MME: variants seen among roughly 807,000 people sequenced by gnomAD.
The protein encoded by MME is membrane metalloendopeptidase, also known as neprilysin.
MME carries 98 observed loss-of-function variants against 113.2 expected under a neutral mutation model. The ratio of observed to expected loss-of-function variants is 0.87; its 90% CI spans 0.74 to 1.02. MME has a LOEUF of 1.02. Among genes scored for constraint, MME ranks in the 50% least tolerant of loss-of-function variants. The pLI is 0.00. For missense variants in MME, 836 were observed against 896.0 expected (o/e 0.93, Z 0.86); for synonymous variants, 292 against 300.6 (o/e 0.97, Z 0.30).
At chr3:155,091,442 G>A (rs1439922238) in intron 3 of MME, among the ~76,000 whole-genome samples, 3 of 152,164 alleles carry the variant, frequency 2.0e-5, no homozygotes, top group Non-Finnish European at 2.9e-5. Context: ...CAGTTAAAGG[G>A]AAAGACAATT....
intron 8 of MME, among the ~76,000 whole-genome samples, chr3:155,133,068 T>C (rs1476881093): frequency 8.2e-6 from 1 of 122,250 alleles, no homozygotes; most frequent in Non-Finnish European, 1.7e-5. Flanking sequence ...AAAAAATATA[T>C]ATATATATAT....
chr3:155,127,025 A>G (rs935983607), intron 8 of MME, among the ~76,000 whole-genome samples: 1 of 150,882 alleles, frequency 6.6e-6, no homozygotes, highest in African/African-American at 2.4e-5. Flanking sequence ...AAAAAAAAAA[A>G]GAAAGGGCAT....
chr3:155,085,232 G>A, intron 3 of MME, 138 bp downstream of exon 3: 1 of 542,686 alleles, frequency 1.8e-6, no homozygotes, highest in East Asian at 3.1e-5. Context: ...TATAATCAAT[G>A]GAAATAAAAA....
chr3:155,082,007 T>G (rs893008834), intron 1 of MME: 2 of 152,256 alleles, frequency 1.3e-5, no homozygotes, highest in Non-Finnish European at 2.9e-5. Context: ...TCTCTGTAAC[T>G]GTTTCTGCAA....
chr3:155,137,145 T>A (rs781033220), intron 8 of MME, among the ~76,000 whole-genome samples: 2 of 152,178 alleles, frequency 1.3e-5, no homozygotes. Flanking sequence ...AGATAAAATA[T>A]AAATAATTTG....
In MME at chr3:155,043,267, T is replaced by C. The variant is rs111354866; in HGVS notation, c.-11+18943T>C. Among the ~76,000 whole-genome samples the C allele has an allele frequency of 6.3e-3, 953 of 151,576 alleles. 5 individuals carry two copies. The highest frequency in any genetic ancestry group is 0.021 in the African/African-American group (890 of 41,464). On this transcript the variant is annotated intron_variant, in intron 1 of 22. Transcript: ENST00000492661. Reference sequence around the variant, plus strand: ...TTTTAATATTAGTATTAGACAGAAATCAACTTTAGTTTTCCAAACTTCTAG... The same window carrying C: ...TTTTAATATTAGTATTAGACAGAAACCAACTTTAGTTTTCCAAACTTCTAG...
rs1219891459 is a variant in MME, at chr3:155,147,126, A to G, written c.1417-18A>G. ...AGTTATATAATCATCTTCACATTCA[A>G]TATTATAATTTTCATAGGCCTTAGC... On this transcript the variant is annotated intron_variant, in intron 14 of 22. Transcript: ENST00000360490. 5.4e-6 allele frequency: 8 copies of G among 1,487,686 alleles called. No homozygotes were observed. The East Asian group carries it at 6.8e-5, about 13-fold the overall frequency. 92.2% of individuals were successfully genotyped at this position (1,487,686 alleles called of 1,614,324 possible). A position where few individuals can be genotyped will look rare whatever the true frequency, so the allele number is the denominator to read the frequency against.
intron 1 of MME, among the ~76,000 whole-genome samples, chr3:155,062,359 C>T (rs757540748): frequency 6.6e-6 from 1 of 152,086 alleles, no homozygotes; most frequent in Non-Finnish European, 1.5e-5. Context: ...TTTTTCAAAG[C>T]TTTAAAGGCT....
chr3:155,084,464 G>A (rs193167135), intron 2 of MME, 137 bp downstream of exon 2: 7 of 865,430 alleles, frequency 8.1e-6, no homozygotes, highest in Middle Eastern at 2.2e-4. Context: ...TTTATAAAAT[G>A]TAACATCAAT....
In MME at chr3:155,084,953, T is replaced by G. The variant is rs28617565; in HGVS notation, c.161-106T>G. ...TAATGTTCAGTTTTTAGTTCTTGCT[T>G]TAAGAAATTGCTTATTTAATTGGCA... On this transcript the variant is annotated intron_variant, in intron 2 of 22. Transcript: ENST00000360490. 0.13 allele frequency: 92,798 copies of G among 708,762 alleles called. 6,331 individuals are homozygous for G. Among genetic ancestry groups the G allele is most frequent in the Middle Eastern group, 0.15 (460 of 3,154 alleles). 43.9% of individuals were successfully genotyped at this position (708,762 alleles called of 1,614,324 possible). A position where few individuals can be genotyped will look rare whatever the true frequency, so the allele number is the denominator to read the frequency against.
chr3:155,160,298 C>A, intron 16 of MME, 92 bp from the exon 17 acceptor site: 3 of 874,868 alleles, frequency 3.4e-6, no homozygotes, highest in South Asian at 1.4e-5. Flanking sequence ...AGTTAAGATT[C>A]ATCTAGGAAT....
Position 155,147,145 on chromosome 3 carries a change from C to A in MME, c.1418C>A (p.Ala473Asp). 1.3e-6 allele frequency: 2 copies of A among 1,585,282 alleles called. No individual in the cohort carries two copies. The highest frequency in any genetic ancestry group is 1.7e-6 in the Non-Finnish European group (2 of 1,154,002). The stretch of plus-strand genomic sequence containing the variant: ...CATTCAATATTATAATTTTCATAGG[C>A]CTTAGCAATTAAAGAAAGGATCGGC... ...AETKKRAEEK[A>D]LAIKERIGYP... The change falls in exon 15 of 23, where the codon GCC (alanine) becomes GAC (aspartate). Residue 473 changes from alanine (A) to aspartate (D), a missense_variant and splice_region_variant. Ala to Asp is a moderately radical substitution (Grantham distance 126). Coordinates refer to ENST00000360490, the MANE Select transcript of MME (RefSeq NM_007289.4).
Position 155,164,463 on chromosome 3 carries a change from T to C in MME, c.1661-2439T>C, listed in dbSNP as rs1022638934. 9.9e-5 allele frequency among the ~76,000 whole-genome samples: 15 copies of C among 152,278 alleles called. 1 individual carries two copies. The highest frequency in any genetic ancestry group is 2.6e-4 in the Admixed American group (4 of 15,284). On this transcript the variant is annotated intron_variant, in intron 17 of 22. Coordinates refer to ENST00000360490, the MANE Select transcript of MME (RefSeq NM_007289.4). The stretch of plus-strand genomic sequence containing the variant: ...TAAGGCTAGTGGGGAAAATCCTCCT[T>C]ACAGAGATTTAGCTGACAAAGTAAA...
intron 3 of MME, among the ~76,000 whole-genome samples, chr3:155,100,214 A>T (rs1717086869): frequency 6.6e-6 from 1 of 152,222 alleles, no homozygotes; most frequent in African/African-American, 2.4e-5. Flanking sequence ...AGAAAAAAAC[A>T]AGCAACCCCA....
chr3:155,146,119 T>A (rs531554687), intron 14 of MME, among the ~76,000 whole-genome samples: 4 of 151,190 alleles, frequency 2.6e-5, no homozygotes, highest in Admixed American at 2.0e-4. Flanking sequence ...ATTGAGAAAA[T>A]CAAGAGAGAA....
intron 3 of MME, among the ~76,000 whole-genome samples, chr3:155,102,773 G>A (rs1398299059): frequency 6.6e-6 from 1 of 152,122 alleles, no homozygotes; most frequent in Non-Finnish European, 1.5e-5. Context: ...CCTTCACTGG[G>A]CAGGGTGACA....
chr3:155,124,990 G>A (rs1050014227), intron 8 of MME, among the ~76,000 whole-genome samples: 81 of 152,262 alleles, frequency 5.3e-4, no homozygotes, highest in African/African-American at 1.9e-3. Context: ...AAGCAAGCCT[G>A]GGCAATGGCA....
intron 1 of MME, among the ~76,000 whole-genome samples, chr3:155,030,789 C>T (rs188813052): frequency 4.6e-5 from 7 of 152,284 alleles, no homozygotes; most frequent in East Asian, 1.9e-4. Flanking sequence ...GTATTTTCTA[C>T]GATCTCAGCT....
intron 13 of MME, among the ~76,000 whole-genome samples, 182 bp downstream of exon 13, chr3:155,143,753 G>A (rs566656393): frequency 1.3e-5 from 2 of 152,168 alleles, no homozygotes; most frequent in South Asian, 4.1e-4. Context: ...CAAGAGTCTA[G>A]TTATGTTTCT....
Sources: gnomAD v4.1 joint callset for allele counts (sites outside exome capture counted in the v4.1 genomes callset) on GRCh38, gnomAD v4.1.1 for gene constraint, MANE v1.5 for transcripts, NCBI Gene and HGNC (gene_info 2026-07-23, HGNC 2026-07-21) for gene names.